Variants in GRB10 observed in about 807,000 individuals in gnomAD.
The protein encoded by GRB10 is growth factor receptor-bound protein 10.
GRB10 carries 20 observed loss-of-function variants against 80.9 expected under a neutral mutation model. The ratio of observed to expected loss-of-function variants is 0.25; its 90% CI spans 0.17 to 0.36. GRB10 has a LOEUF of 0.36. Ranked by LOEUF, GRB10 falls within the 10% of genes least tolerant of loss-of-function variation. The pLI, the probability that GRB10 is intolerant of heterozygous loss-of-function variation, is 1.00. For synonymous variants in GRB10, 291 were observed against 291.5 expected (o/e 1.00, Z 0.02); for missense variants, 548 against 747.7 (o/e 0.73, Z 3.12).
intron 5 of GRB10, among the ~76,000 whole-genome samples, chr7:50,684,329 G>A (rs2061874203): frequency 1.9e-5 from 1 of 53,662 alleles, no homozygotes; most frequent in Admixed American, 3.2e-4. Context: ...TGATTCCAGT[G>A]AGATTTTTTT....
In GRB10 at chr7:50,616,382, C is replaced by T. The variant is rs367940506; in HGVS notation, c.847-35G>A. 1.3e-5 allele frequency: 20 copies of T among 1,586,458 alleles called. No homozygotes were observed. The African/African-American group carries it at 1.7e-4, about 14-fold the overall frequency. ...AACAAATTTTTAAAATCACATAATG[C>T]TAATCTAAAATAATTAAAGCAGACA... On this transcript the variant is annotated intron_variant, in intron 10 of 18. Coordinates refer to ENST00000401949, the MANE Select transcript of GRB10 (RefSeq NM_001350814.2).
intron 7 of GRB10, among the ~76,000 whole-genome samples, chr7:50,647,290 T>C (rs1324501267): frequency 6.6e-6 from 1 of 152,228 alleles, no homozygotes; most frequent in African/African-American, 2.4e-5. Flanking sequence ...AACATCTTTT[T>C]TTGAAAAAAG....
intron 4 of GRB10, among the ~76,000 whole-genome samples, chr7:50,716,044 G>A (rs557226971): frequency 1.6e-4 from 24 of 152,286 alleles, no homozygotes; most frequent in Admixed American, 5.9e-4. Context: ...AGAGGAGAGC[G>A]CTCAAGAGAG....
chr7:50,697,318 G>T lies in GRB10; in HGVS notation c.139+6503C>A, dbSNP rs576800072. ...TTTTGTTTTATATATTTTTAATAAA[G>T]AAAGGTTTTTTCAAAATCGTCAAAA... On this transcript the variant is annotated intron_variant, in intron 5 of 18. Coordinates refer to ENST00000401949, the MANE Select transcript of GRB10 (RefSeq NM_001350814.2). Among the ~76,000 whole-genome samples, 16 of 152,290 alleles carry T rather than the reference G, an allele frequency of 1.1e-4. No homozygotes were observed. The East Asian group carries it at 2.9e-3, about 28-fold the overall frequency.
chr7:50,613,482 G>C (rs952409976), intron 12 of GRB10, among the ~76,000 whole-genome samples: 3 of 152,156 alleles, frequency 2.0e-5, no homozygotes, highest in Non-Finnish European at 4.4e-5. Flanking sequence ...TGAGGGAGGA[G>C]AATTGTTGCA....
intron 7 of GRB10, among the ~76,000 whole-genome samples, chr7:50,634,968 G>C (rs2262465): frequency 0.53 from 80,246 of 152,142 alleles, 21,312 homozygotes; most frequent in Admixed American, 0.54. Context: ...ACTGACAACA[G>C]TAGACAGGTA....
intron 4 of GRB10, among the ~76,000 whole-genome samples, chr7:50,723,038 C>A (rs1308620121): frequency 6.6e-6 from 1 of 152,140 alleles, no homozygotes; most frequent in Non-Finnish European, 1.5e-5. Context: ...GGAATTAACA[C>A]CTTCACAATG....
chr7:50,753,275 G>A (rs1248444960), intron 3 of GRB10, among the ~76,000 whole-genome samples: 2 of 152,184 alleles, frequency 1.3e-5, no homozygotes, highest in African/African-American at 4.8e-5. Flanking sequence ...AAACCCCAGG[G>A]GATTGGGCTT....
At chr7:50,676,344 G>GTGGGCGGGGGC (rs1563400714) in intron 5 of GRB10, among the ~76,000 whole-genome samples, 1 of 135,912 alleles carries the variant, frequency 7.4e-6, no homozygotes, top group Admixed American at 7.3e-5. Context: ...CCGGGGGGGG[G>GTGGGCGGGGGC]GGGGGGTTGT....
intron 7 of GRB10, among the ~76,000 whole-genome samples, chr7:50,657,037 A>G (rs2058719098): frequency 6.6e-6 from 1 of 152,238 alleles, no homozygotes; most frequent in African/African-American, 2.4e-5. Flanking sequence ...GTAGGTAAAT[A>G]TGGCACAAAT....
intron 3 of GRB10, among the ~76,000 whole-genome samples, chr7:50,755,425 A>C (rs1045666697): frequency 4.6e-5 from 7 of 152,160 alleles, no homozygotes; most frequent in African/African-American, 1.7e-4. Flanking sequence ...GGGGCACACT[A>C]ACACACACAT....
chr7:50,636,035 TG>T (rs1586090372), intron 7 of GRB10, among the ~76,000 whole-genome samples: 2 of 130,636 alleles, frequency 1.5e-5, no homozygotes, highest in East Asian at 2.6e-4. Context: ...TGCAGTGCAG[TG>T]GTGCAATCTC....
At chr7:50,639,807 T>C (rs1322984792) in intron 7 of GRB10, among the ~76,000 whole-genome samples, 1 of 152,222 alleles carries the variant, frequency 6.6e-6, no homozygotes, top group Non-Finnish European at 1.5e-5. Context: ...TTATACCAAG[T>C]AGACAGGCTT....
chr7:50,684,028 G>T (rs1202867904), intron 5 of GRB10, among the ~76,000 whole-genome samples: 1 of 152,098 alleles, frequency 6.6e-6, no homozygotes, highest in Non-Finnish European at 1.5e-5. Flanking sequence ...AACATGGCAG[G>T]TGGGATTTTA....
At chr7:50,742,823 A>G (rs1415746921) in intron 3 of GRB10, among the ~76,000 whole-genome samples, 1 of 152,048 alleles carries the variant, frequency 6.6e-6, no homozygotes, top group Admixed American at 6.6e-5. Flanking sequence ...GTTGGTTTCT[A>G]TGATGTCTGC....
intron 5 of GRB10, among the ~76,000 whole-genome samples, chr7:50,694,904 G>C (rs2063257144): frequency 6.6e-6 from 1 of 152,220 alleles, no homozygotes. Flanking sequence ...GGAATGCCAT[G>C]ATAGCAGATA....
chr7:50,652,425 C>T lies in GRB10; in HGVS notation c.504+17297G>A, dbSNP rs187712616. Among the ~76,000 whole-genome samples, 224 of 152,288 alleles carry T rather than the reference C, an allele frequency of 1.5e-3. 3 individuals are homozygous for T. The highest frequency in any genetic ancestry group is 0.013 in the Admixed American group (206 of 15,290). ...TCGGTTTCTATAGAAGCAACCTGTC[C>T]TTTATTAGGGGAACTCCAAATTACA... On this transcript the variant is annotated intron_variant, in intron 7 of 18. Transcript: ENST00000401949.
chr7:50,644,548 T>C (rs935177563), intron 7 of GRB10, among the ~76,000 whole-genome samples: 6 of 152,222 alleles, frequency 3.9e-5, no homozygotes, highest in Non-Finnish European at 7.3e-5. Context: ...TCATGTCTTA[T>C]TTCAAACCCT....
chr7:50,778,655 C>T (rs2077955746), intron 2 of GRB10, among the ~76,000 whole-genome samples: 1 of 152,184 alleles, frequency 6.6e-6, no homozygotes, highest in Non-Finnish European at 1.5e-5. Context: ...AGGGTAGGGT[C>T]GGGCTAACGC....
Sources: allele counts gnomAD v4.1 joint callset (sites outside exome capture counted in the v4.1 genomes callset), GRCh38; gene constraint gnomAD v4.1.1; transcripts MANE v1.5; gene names NCBI Gene and HGNC (gene_info 2026-07-23, HGNC 2026-07-21).